Variants in OR56A3 observed in about 807,000 individuals in gnomAD.
OR56A3 encodes the protein olfactory receptor family 56 subfamily A member 3, also known as olfactory receptor 56A3.
OR56A3 carries 23 observed loss-of-function variants against 17.5 expected under a neutral mutation model. That is an observed-to-expected ratio of 1.32 (90% CI 0.95 to 1.87). The LOEUF (loss-of-function observed/expected upper bound fraction) is 1.87. OR56A3 is among the 40% of genes most tolerant of loss of function. OR56A3 has a pLI of 0.00. For missense variants in OR56A3, 366 were observed against 380.1 expected, an observed-to-expected ratio of 0.96 and a Z score of 0.31; for synonymous variants, 175 against 150.6, an observed-to-expected ratio of 1.16 and a Z score of -1.19.
chr11:6,009,464 T>A, the OR56A3 span, among the ~76,000 whole-genome samples: 1 of 152,204 alleles, frequency 6.6e-6, no homozygotes, highest in Non-Finnish European at 1.5e-5. Flanking sequence ...AATCTGATTA[T>A]TGACAAGTAT....
chr11:6,004,791 T>C, the OR56A3 span, among the ~76,000 whole-genome samples: 2 of 152,332 alleles, frequency 1.3e-5, no homozygotes, highest in South Asian at 4.1e-4. Context: ...TAATCTCAAG[T>C]ATAGCTACTC....
the OR56A3 span, among the ~76,000 whole-genome samples, chr11:6,015,747 TC>T: frequency 3.9e-5 from 6 of 152,236 alleles, no homozygotes; most frequent in Non-Finnish European, 1.5e-5. Flanking sequence ...GTAGCACTTT[TC>T]CTTTGGCCAA....
At chr11:5,984,435 C>T in the OR56A3 span, among the ~76,000 whole-genome samples, 3 of 152,210 alleles carry the variant, frequency 2.0e-5, no homozygotes, top group Non-Finnish European at 2.9e-5. Context: ...GTCAGGAACA[C>T]AGCTCTTCTG....
Position 5,947,853 on chromosome 11 carries a change from A to G in OR56A3, c.507A>G (p.Gln169=), listed in dbSNP as rs373078520. The G allele has an allele frequency of 6.2e-7, 1 of 1,613,866 alleles. No homozygotes were observed. The highest frequency in any genetic ancestry group is 1.3e-5 in the African/African-American group (1 of 74,902). The change falls in exon 3 of 3, where the codon CAA becomes CAG. Residue 169 remains glutamine, a synonymous_variant. Coordinates refer to ENST00000641160, the MANE Select transcript of OR56A3 (RefSeq NM_001003443.3). ...MTLPIPILSA[Q]LRYCGRNVIE... ...TGCCCATCCCCATCCTTTCAGCACA[A>G]CTCCGTTATTGTGGAAGAAATGTCA...
At chr11:6,014,494 T>C in the OR56A3 span, among the ~76,000 whole-genome samples, 2 of 152,282 alleles carry the variant, frequency 1.3e-5, no homozygotes, top group East Asian at 3.9e-4. Flanking sequence ...TTCTTTGCCT[T>C]CCTCCATAAG....
chr11:5,947,805 G>C lies in OR56A3; in HGVS notation c.459G>C (p.Leu153Phe). 11 of 1,614,076 alleles carry C rather than the reference G, an allele frequency of 6.8e-6. No individual in the cohort carries two copies. Among genetic ancestry groups the C allele is most frequent in the Non-Finnish European group, 9.3e-6 (11 of 1,180,016 alleles). ...TAGTCAAGGCTGCCATGTTTATTTT[G>C]ACCAGAAATGTGCTTATGACTCTGC... ...HFVVKAAMFI[L>F]TRNVLMTLPI... Residue 153 changes from leucine (L) to phenylalanine (F), a missense_variant, in exon 3 of 3, where the codon TTG becomes TTC. Transcript: ENST00000641160.
intron 1 of OR56A3, among the ~76,000 whole-genome samples, chr11:5,944,245 A>T (rs1285126932): frequency 1.3e-5 from 2 of 152,258 alleles, no homozygotes; most frequent in Non-Finnish European, 2.9e-5. Context: ...AAGTGCATAG[A>T]GAATGATTTT....
At position 5,947,900 on chromosome 11, in the gene OR56A3, A is replaced by G. The variant is rs1357687344; in HGVS notation, c.554A>G (p.Asn185Ser). The G allele has an allele frequency of 5.0e-6, 8 of 1,614,198 alleles. No homozygotes were observed. The African/African-American group carries it at 6.7e-5, about 13-fold the overall frequency. Residue 185 changes from asparagine to serine, a missense_variant, in exon 3 of 3, where the codon AAT becomes AGT. Asn to Ser is a conservative substitution (Grantham distance 46). Coordinates refer to ENST00000641160, the MANE Select transcript of OR56A3 (RefSeq NM_001003443.3). ...RNVIENCICANMSVSRLSCDD... is the reference protein window; with the variant it reads ...RNVIENCICASMSVSRLSCDD... ...GTCATTGAGAACTGCATCTGTGCCAATATGTCTGTTTCCAGACTCTCCTGC... is the reference window on the plus strand; with the variant it reads ...GTCATTGAGAACTGCATCTGTGCCAGTATGTCTGTTTCCAGACTCTCCTGC...
At chr11:5,975,254 C>T in the OR56A3 span, among the ~76,000 whole-genome samples, 6 of 152,268 alleles carry the variant, frequency 3.9e-5, no homozygotes, top group African/African-American at 9.6e-5. Flanking sequence ...ATGTGCACAA[C>T]GTGCAGGTTT....
the OR56A3 span, among the ~76,000 whole-genome samples, chr11:5,958,356 C>T: frequency 5.5e-4 from 83 of 152,092 alleles, no homozygotes; most frequent in Non-Finnish European, 9.7e-4. Flanking sequence ...AGAGGCTACA[C>T]GAGAAATTCC....
At chr11:5,997,217 G>C in the OR56A3 span, among the ~76,000 whole-genome samples, 6 of 152,286 alleles carry the variant, frequency 3.9e-5, no homozygotes, top group East Asian at 9.6e-4. Flanking sequence ...AGCAGATTTT[G>C]GGATATTGGC....
Position 5,946,370 on chromosome 11 carries a change from G to A in OR56A3, c.-36-941G>A, listed in dbSNP as rs57231960. ...ACAGTTTCTTATTAAATTTTGTGATGCTGGTACCTAACAGAATGCCAGGGA... is the reference window on the plus strand; with the variant it reads ...ACAGTTTCTTATTAAATTTTGTGATACTGGTACCTAACAGAATGCCAGGGA... On this transcript the variant is annotated intron_variant, in intron 2 of 2. Transcript: ENST00000641160. 7.6e-3 allele frequency among the ~76,000 whole-genome samples: 1,163 copies of A among 152,302 alleles called. 15 individuals are homozygous for A. The highest frequency in any genetic ancestry group is 0.026 in the African/African-American group (1,087 of 41,544).
At chr11:5,968,197 A>T in the OR56A3 span, 11 of 1,614,238 alleles carry the variant, frequency 6.8e-6, no homozygotes, top group South Asian at 1.1e-4. Context: ...TGAAGGAAGC[A>T]GGCAGGGAAG....
At position 5,947,998 on chromosome 11, in the gene OR56A3, A is replaced by G. The variant is rs765047625; in HGVS notation, c.652A>G (p.Ile218Val). ...WTLLGSDLIL[I>V]FLSYTFILRA... ...TCTGCTAGGATCTGACCTCATCCTT[A>G]TCTTCCTCTCCTACACCTTCATTCT... The change falls in exon 3 of 3, where the codon ATC (isoleucine) becomes GTC (valine). Residue 218 changes from isoleucine to valine, a missense_variant. Transcript: ENST00000641160. 10 of 1,614,058 alleles carry G rather than the reference A, an allele frequency of 6.2e-6. No individual in the cohort carries two copies. The highest frequency in any genetic ancestry group is 8.5e-6 in the Non-Finnish European group (10 of 1,180,040).
the OR56A3 span, among the ~76,000 whole-genome samples, chr11:5,983,151 G>A: frequency 1.1e-4 from 17 of 151,906 alleles, no homozygotes; most frequent in Non-Finnish European, 1.9e-4. Flanking sequence ...TTAATTTATT[G>A]TTCCTTTTCT....
At chr11:5,975,392 G>A in the OR56A3 span, among the ~76,000 whole-genome samples, 1 of 126,112 alleles carries the variant, frequency 7.9e-6, no homozygotes, top group Non-Finnish European at 1.5e-5. Context: ...AGTGTGTGAT[G>A]TTCCCCTTCC....
At chr11:5,997,534 A>C in the OR56A3 span, among the ~76,000 whole-genome samples, 1 of 152,200 alleles carries the variant, frequency 6.6e-6, no homozygotes. Flanking sequence ...ATCTGAACCT[A>C]GAGCATAGGC....
Position 5,947,559 on chromosome 11 carries a change from C to G in OR56A3, c.213C>G (p.Ser71=), listed in dbSNP as rs1847878407. 4 of 1,614,180 alleles carry G rather than the reference C, an allele frequency of 2.5e-6. No homozygotes were observed. Among genetic ancestry groups the G allele is most frequent in the Non-Finnish European group, 3.4e-6 (4 of 1,180,034 alleles). ...TGTACTACCTGCTCAGCCTCCTCTC[C>G]CTGCTGGACATCGTGCTCTGCCTCA... ...QPLYYLLSLL[S]LLDIVLCLTV... Residue 71 remains serine, a synonymous_variant, in exon 3 of 3, where the codon TCC becomes TCG. Transcript: ENST00000641160.
At chr11:5,945,351 G>C (rs901915847) in intron 2 of OR56A3, among the ~76,000 whole-genome samples, 1 of 152,054 alleles carries the variant, frequency 6.6e-6, no homozygotes, top group African/African-American at 2.4e-5. Flanking sequence ...GAGGTGGGTG[G>C]ATCTCGAGGT....
Sources: gnomAD v4.1 joint callset for allele counts (sites outside exome capture counted in the v4.1 genomes callset) on GRCh38, gnomAD v4.1.1 for gene constraint, MANE v1.5 for transcripts, NCBI Gene and HGNC (gene_info 2026-07-23, HGNC 2026-07-21) for gene names.